Variants in FAM53B observed in about 807,000 individuals in gnomAD.
FAM53B encodes family with sequence similarity 53 member B.
Under a neutral mutation model 32.7 loss-of-function variants are expected in FAM53B, and 12 were observed. The ratio of observed to expected loss-of-function variants is 0.37; its 90% CI spans 0.24 to 0.59. FAM53B has a LOEUF of 0.59. Ranked by LOEUF, FAM53B falls within the 20% of genes least tolerant of loss-of-function variation. The pLI, the probability that FAM53B is intolerant of heterozygous loss-of-function variation, is 0.72. For missense variants in FAM53B, 477 were observed against 577.7 expected (o/e 0.83, Z 1.79); for synonymous variants, 234 against 228.7 (o/e 1.02, Z -0.21).
At chr10:124,643,340 C>T (rs1179750134) in intron 4 of FAM53B, among the ~76,000 whole-genome samples, 1 of 152,254 alleles carries the variant, frequency 6.6e-6, no homozygotes. Context: ...CCAGGCGGCT[C>T]GGCAGGGCCC....
intron 3 of FAM53B, among the ~76,000 whole-genome samples, chr10:124,693,899 C>T (rs556105343): frequency 6.6e-6 from 1 of 152,318 alleles, no homozygotes; most frequent in East Asian, 1.9e-4. Flanking sequence ...TCACCAGGTG[C>T]CTGACACACA....
chr10:124,706,923 C>A, intron 1 of FAM53B, 36 bp from the exon 2 acceptor site: 4 of 1,419,900 alleles, frequency 2.8e-6, no homozygotes, highest in Non-Finnish European at 3.7e-6. Flanking sequence ...AGATTCAGGA[C>A]TAAGAAAGAC....
intron 3 of FAM53B, among the ~76,000 whole-genome samples, chr10:124,686,979 GT>G (rs1949806748): frequency 6.6e-6 from 1 of 152,246 alleles, no homozygotes; most frequent in South Asian, 2.1e-4. Context: ...CACTGCTATT[GT>G]GTATCAACAC....
chr10:124,714,758 CAA>C (rs71484584), intron 1 of FAM53B, among the ~76,000 whole-genome samples: 265 of 90,816 alleles, frequency 2.9e-3, no homozygotes, highest in Middle Eastern at 6.7e-3. Flanking sequence ...GACTCCACCT[CAA>C]AAAAAAAAAA....
At chr10:124,720,226 G>C (rs1193534285) in intron 1 of FAM53B, among the ~76,000 whole-genome samples, 1 of 150,548 alleles carries the variant, frequency 6.6e-6, no homozygotes, top group Non-Finnish European at 1.5e-5. Context: ...GCAGACCCAA[G>C]GGAGGTGGCA....
At position 124,682,157 on chromosome 10, in the gene FAM53B, A is replaced by C; in HGVS notation, c.356T>G (p.Phe119Cys). ...PSKRQCRSLS[F>C]SDEMSSCRTS... is the part of the protein sequence containing the mutation. Reference sequence around the variant, plus strand: ...CCGGCAACTGGACATCTCATCGGAGAAGGACAGTGAGCGGCACTGGCGCTT... The same window carrying C: ...CCGGCAACTGGACATCTCATCGGAGCAGGACAGTGAGCGGCACTGGCGCTT... Residue 119 changes from phenylalanine to cysteine, a missense_variant, in exon 4 of 5, where the codon TTC becomes TGC. Phe to Cys is a radical substitution (Grantham distance 205). Coordinates refer to ENST00000337318, the MANE Select transcript of FAM53B (RefSeq NM_014661.4). The surrounding 1 kb of genome is among the most constrained non-coding windows in gnomAD (Gnocchi z 5.2). The C allele has an allele frequency of 1.2e-6, 2 of 1,613,546 alleles. No individual in the cohort carries two copies. The highest frequency in any genetic ancestry group is 1.7e-6 in the Non-Finnish European group (2 of 1,179,854).
At position 124,622,116 on chromosome 10, in the gene FAM53B, C is replaced by T. The variant is rs1195017825; in HGVS notation, c.*1126G>A. The T allele has an allele frequency of 6.6e-6, 1 of 152,244 alleles. No individual in the cohort carries two copies. The highest frequency in any genetic ancestry group is 1.9e-4 in the East Asian group (1 of 5,184). 9.4% of individuals were successfully genotyped at this position (152,244 alleles called of 1,614,324 possible). A position where few individuals can be genotyped will look rare whatever the true frequency, so the allele number is the denominator to read the frequency against. On this transcript the variant is annotated 3_prime_UTR_variant, in exon 5 of 5. Transcript: ENST00000337318. ...GCTGGGCCTACAACAGAGATGCAGC[C>T]CTCAGGACTGGGCTCCCCCTAAGCT...
chr10:124,624,800 C>T (rs1949334798), intron 4 of FAM53B, among the ~76,000 whole-genome samples: 1 of 150,840 alleles, frequency 6.6e-6, no homozygotes, highest in Admixed American at 6.6e-5. Flanking sequence ...CCAGCCTTCT[C>T]CTCAGAATGA....
chr10:124,677,749 G>A (rs930346499), intron 4 of FAM53B, among the ~76,000 whole-genome samples: 1 of 152,176 alleles, frequency 6.6e-6, no homozygotes, highest in African/African-American at 2.4e-5. Flanking sequence ...TCTCATCCCC[G>A]ACAGACAAGA....
intron 1 of FAM53B, among the ~76,000 whole-genome samples, chr10:124,728,108 T>C (rs1276385963): frequency 6.6e-6 from 1 of 152,234 alleles, no homozygotes; most frequent in Non-Finnish European, 1.5e-5. Flanking sequence ...TGGACTCGCT[T>C]GGCTTCGCGA....
chr10:124,740,143 A>T (rs1289681447), intron 1 of FAM53B, among the ~76,000 whole-genome samples: 1 of 152,158 alleles, frequency 6.6e-6, no homozygotes, highest in Non-Finnish European at 1.5e-5. Context: ...TAGCCAGCAC[A>T]GCACTCTGTT....
intron 1 of FAM53B, among the ~76,000 whole-genome samples, chr10:124,710,399 G>A (rs998582606): frequency 1.3e-5 from 2 of 152,226 alleles, no homozygotes; most frequent in East Asian, 3.8e-4. Flanking sequence ...ATCTGGGCAC[G>A]TTCTCAGAAT....
chr10:124,679,223 T>TG (rs1949753925), intron 4 of FAM53B, among the ~76,000 whole-genome samples: 1 of 151,882 alleles, frequency 6.6e-6, no homozygotes, highest in Admixed American at 6.6e-5. Flanking sequence ...CTTGCTTCCA[T>TG]GGGCATGCAG....
At chr10:124,700,156 C>T (rs888231154) in intron 2 of FAM53B, among the ~76,000 whole-genome samples, 20 of 152,220 alleles carry the variant, frequency 1.3e-4, no homozygotes, top group African/African-American at 3.4e-4. Flanking sequence ...GTACCCTGAC[C>T]GCTGGCAGGT....
intron 4 of FAM53B, among the ~76,000 whole-genome samples, chr10:124,630,307 G>A (rs1305124649): frequency 3.3e-5 from 5 of 152,210 alleles, no homozygotes; most frequent in African/African-American, 9.6e-5. Flanking sequence ...CCCGCTACTC[G>A]GGAGGCTGAG....
chr10:124,653,383 C>G (rs756220424), intron 4 of FAM53B, among the ~76,000 whole-genome samples: 1 of 152,158 alleles, frequency 6.6e-6, no homozygotes, highest in African/African-American at 2.4e-5. Flanking sequence ...AGGGCTCTGG[C>G]GTGGGGACCC....
rs558630241 is a variant in FAM53B, at chr10:124,674,616, G to A, written c.906+6991C>T. On this transcript the variant is annotated intron_variant, in intron 4 of 4. Coordinates refer to ENST00000337318, the MANE Select transcript of FAM53B (RefSeq NM_014661.4). ...GCTTCTCCTTCAGAAGCCTGGGAACGACATTAGGGTTTCTCTAAACCCTCC... is the reference window on the plus strand; with the variant it reads ...GCTTCTCCTTCAGAAGCCTGGGAACAACATTAGGGTTTCTCTAAACCCTCC... 2.6e-5 allele frequency among the ~76,000 whole-genome samples: 4 copies of A among 152,314 alleles called. No homozygotes were observed. In the East Asian group the frequency reaches 5.8e-4, roughly 22 times the overall value.
At chr10:124,743,945 C>G (rs984971208) in intron 1 of FAM53B, 68 bp downstream of exon 1, 1 of 150,242 alleles carries the variant, frequency 6.7e-6, no homozygotes, top group Non-Finnish European at 1.5e-5. Flanking sequence ...GGGACGCACA[C>G]GGCCCGGACC....
Position 124,621,127 on chromosome 10 carries a change from A to G in FAM53B, c.*2115T>C, listed in dbSNP as rs995515507. 1.3e-5 allele frequency: 2 copies of G among 152,174 alleles called. No homozygotes were observed. Among genetic ancestry groups the G allele is most frequent in the African/African-American group, 4.8e-5 (2 of 41,418 alleles). 9.4% of individuals were successfully genotyped at this position (152,174 alleles called of 1,614,324 possible). A position where few individuals can be genotyped will look rare whatever the true frequency, so the allele number is the denominator to read the frequency against. Reference sequence around the variant, plus strand: ...GGGGGCTGCTGCATGCCTCAGCCTCAGCTGGCACCGTCCACCTCCCTCACT... The same window carrying G: ...GGGGGCTGCTGCATGCCTCAGCCTCGGCTGGCACCGTCCACCTCCCTCACT... On this transcript the variant is annotated 3_prime_UTR_variant, in exon 5 of 5. Transcript: ENST00000337318.
Sources: gnomAD v4.1 joint callset for allele counts (sites outside exome capture counted in the v4.1 genomes callset) on GRCh38, gnomAD v4.1.1 for gene constraint, Gnocchi (gnomAD v3.1) non-coding constraint, MANE v1.5 for transcripts, NCBI Gene and HGNC (gene_info 2026-07-23, HGNC 2026-07-21) for gene names.